RBMS3: variants seen among roughly 807,000 people sequenced by gnomAD.
RBMS3 encodes the protein RNA binding motif single stranded interacting protein 3.
RBMS3 carries 27 observed loss-of-function variants against 66.8 expected under a neutral mutation model. That is an observed-to-expected ratio of 0.40 (90% CI 0.30 to 0.56). The LOEUF (loss-of-function observed/expected upper bound fraction) is 0.56, where lower values mean the gene tolerates loss of function less well. Ranked by LOEUF, RBMS3 falls within the 20% of genes least tolerant of loss-of-function variation. The probability of loss-of-function intolerance (pLI) is 0.40; values close to 1 mark genes in which losing one functional copy is unlikely to be tolerated. For synonymous variants in RBMS3, 188 were observed against 183.0 expected, an observed-to-expected ratio of 1.03 and a Z score of -0.22; for missense variants, 513 against 549.5, an observed-to-expected ratio of 0.93 and a Z score of 0.66.
chr3:29,820,995 A>G (rs138044508), intron 6 of RBMS3, among the ~76,000 whole-genome samples: 45 of 152,270 alleles, frequency 3.0e-4, no homozygotes, highest in African/African-American at 1.0e-3. Flanking sequence ...ACCCTCTACT[A>G]GAGATACTGA....
At chr3:29,813,593 T>C (rs1175156689) in intron 6 of RBMS3, among the ~76,000 whole-genome samples, 1 of 152,168 alleles carries the variant, frequency 6.6e-6, no homozygotes, top group African/African-American at 2.4e-5. Flanking sequence ...TTCACGATAT[T>C]GATTCTTCCT....
chr3:29,592,829 T>C (rs1258005261), intron 4 of RBMS3, among the ~76,000 whole-genome samples: 3 of 151,510 alleles, frequency 2.0e-5, no homozygotes, highest in Non-Finnish European at 4.4e-5. Context: ...TATGCAGCCA[T>C]AAAAAAGGAT....
At chr3:29,893,399 T>C (rs1424197328) in intron 8 of RBMS3, among the ~76,000 whole-genome samples, 1 of 151,574 alleles carries the variant, frequency 6.6e-6, no homozygotes, top group East Asian at 1.9e-4. Context: ...ATCCAATCTT[T>C]ATTGCTTTCA....
chr3:29,804,242 G>A (rs2057474282), intron 6 of RBMS3, among the ~76,000 whole-genome samples: 1 of 152,034 alleles, frequency 6.6e-6, no homozygotes, highest in African/African-American at 2.4e-5. Context: ...AAAAAATGCT[G>A]ACAAATGAAA....
chr3:29,354,767 C>T (rs1042382012), intron 1 of RBMS3, among the ~76,000 whole-genome samples: 1 of 152,140 alleles, frequency 6.6e-6, no homozygotes, highest in African/African-American at 2.4e-5. Flanking sequence ...GGGGTGTATT[C>T]TTGCCCAGAT....
At chr3:29,682,170 G>A (rs1306673595) in intron 4 of RBMS3, among the ~76,000 whole-genome samples, 11 of 152,090 alleles carry the variant, frequency 7.2e-5, no homozygotes, top group Admixed American at 3.3e-4. Flanking sequence ...GTTTTGAGTC[G>A]GAGTCTCGCT....
At chr3:29,858,742 C>T (rs906349826) in intron 6 of RBMS3, among the ~76,000 whole-genome samples, 10 of 152,352 alleles carry the variant, frequency 6.6e-5, no homozygotes, top group Middle Eastern at 3.4e-3. Flanking sequence ...CCTTATGGGG[C>T]ATGGTTGTTC....
chr3:29,358,439 G>A (rs2037359493), intron 1 of RBMS3, among the ~76,000 whole-genome samples: 1 of 152,136 alleles, frequency 6.6e-6, no homozygotes, highest in Non-Finnish European at 1.5e-5. Flanking sequence ...TGCTGTTTTG[G>A]TTACTGTAAC....
At chr3:29,922,669 C>A (rs1258125081) in intron 10 of RBMS3, among the ~76,000 whole-genome samples, 2 of 152,138 alleles carry the variant, frequency 1.3e-5, no homozygotes, top group East Asian at 3.9e-4. Flanking sequence ...AGTACCCCCT[C>A]AGTATTTCAA....
chr3:29,744,436 T>G (rs2054783747), intron 5 of RBMS3, among the ~76,000 whole-genome samples: 1 of 152,188 alleles, frequency 6.6e-6, no homozygotes, highest in Non-Finnish European at 1.5e-5. Flanking sequence ...CAACTGGTAT[T>G]AGCTCACAAA....
At chr3:29,437,375 A>T (rs2125730232) in intron 2 of RBMS3, among the ~76,000 whole-genome samples, 1 of 152,358 alleles carries the variant, frequency 6.6e-6, no homozygotes, top group African/African-American at 2.4e-5. Flanking sequence ...AAAAGCCTAT[A>T]TTGCCATTTT....
intron 1 of RBMS3, among the ~76,000 whole-genome samples, chr3:29,321,174 T>A (rs1324664082): frequency 6.6e-6 from 1 of 152,104 alleles, no homozygotes; most frequent in Non-Finnish European, 1.5e-5. Flanking sequence ...CTTTAAGTGT[T>A]TTATTGTACT....
At chr3:29,334,016 T>C (rs6800714) in intron 1 of RBMS3, among the ~76,000 whole-genome samples, 47,716 of 152,050 alleles carry the variant, frequency 0.31, 8,143 homozygotes, top group Admixed American at 0.43. Context: ...GTACAATTCA[T>C]ACAATTTCTA....
chr3:29,553,388 A>G (rs1038246414), intron 3 of RBMS3, among the ~76,000 whole-genome samples: 20 of 152,296 alleles, frequency 1.3e-4, no homozygotes, highest in African/African-American at 4.6e-4. Flanking sequence ...AGCTGTCACA[A>G]TATCTCACAA....
chr3:29,303,903 C>T (rs190964981), intron 1 of RBMS3, among the ~76,000 whole-genome samples: 96 of 151,974 alleles, frequency 6.3e-4, no homozygotes, highest in African/African-American at 2.2e-3. Context: ...TCTTACATGG[C>T]GGTGGCAAGA....
chr3:29,999,649 A>T (rs1414578591), intron 14 of RBMS3, among the ~76,000 whole-genome samples: 1 of 152,164 alleles, frequency 6.6e-6, no homozygotes, highest in Non-Finnish European at 1.5e-5. Flanking sequence ...CCAGCAAACT[A>T]TCACAAGGAC....
chr3:30,000,412 G>A (rs1483971094), intron 14 of RBMS3, among the ~76,000 whole-genome samples: 1 of 152,200 alleles, frequency 6.6e-6, no homozygotes, highest in Admixed American at 6.5e-5. Context: ...AGGATATGGA[G>A]AAATAGGAAT....
chr3:29,846,074 AT>A (rs71761490), intron 6 of RBMS3, among the ~76,000 whole-genome samples: 4,907 of 148,704 alleles, frequency 0.033, 224 homozygotes, highest in African/African-American at 0.11. Context: ...AAAAAGTTTG[AT>A]TTTTTTTTTT....
intron 4 of RBMS3, among the ~76,000 whole-genome samples, chr3:29,587,609 G>T (rs945174119): frequency 6.6e-6 from 1 of 151,694 alleles, no homozygotes; most frequent in African/African-American, 2.4e-5. Context: ...TTTTAGAGTA[G>T]TAGAATTATC....
Sources: gnomAD v4.1 joint callset for allele counts (sites outside exome capture counted in the v4.1 genomes callset) on GRCh38, gnomAD v4.1.1 for gene constraint, MANE v1.5 for transcripts, NCBI Gene and HGNC (gene_info 2026-07-23, HGNC 2026-07-21) for gene names.